KCNT2: variants seen among roughly 807,000 people sequenced by gnomAD.
The protein encoded by KCNT2 is potassium channel subfamily T member 2.
A neutral mutation model predicts 153.8 loss-of-function variants in KCNT2; 67 were observed. The observed-to-expected ratio is 0.44, with a 90% CI of 0.36 to 0.53. The LOEUF (loss-of-function observed/expected upper bound fraction) is 0.53. Among genes scored for constraint, KCNT2 ranks in the 20% least tolerant of loss-of-function variants. KCNT2 has a pLI of 0.00. For missense variants in KCNT2, 975 were observed against 1,354.8 expected (o/e 0.72, Z 4.40); for synonymous variants, 500 against 458.8 (o/e 1.09, Z -1.15).
At chr1:196,301,486 T>C (rs189193043) in intron 22 of KCNT2, among the ~76,000 whole-genome samples, 1 of 152,294 alleles carries the variant, frequency 6.6e-6, no homozygotes, top group Admixed American at 6.5e-5. Context: ...AGTAGCTACT[T>C]TCAGAAAATC....
intron 1 of KCNT2, among the ~76,000 whole-genome samples, chr1:196,539,296 G>C (rs1158989526): frequency 2.0e-5 from 3 of 152,124 alleles, no homozygotes; most frequent in Non-Finnish European, 4.4e-5. Flanking sequence ...TACTTCATGT[G>C]TGTTCGCATT....
intron 8 of KCNT2, among the ~76,000 whole-genome samples, chr1:196,449,815 A>C (rs1257000331): frequency 6.6e-6 from 1 of 151,746 alleles, no homozygotes; most frequent in Non-Finnish European, 1.5e-5. Flanking sequence ...CTAATAAAGA[A>C]AAAAGAATAA....
intron 1 of KCNT2, among the ~76,000 whole-genome samples, chr1:196,556,780 A>T (rs1205233681): frequency 6.6e-6 from 1 of 151,512 alleles, no homozygotes; most frequent in Non-Finnish European, 1.5e-5. Flanking sequence ...CTTACACACA[A>T]CAGAGTACTA....
At chr1:196,471,128 C>T (rs569150589) in intron 5 of KCNT2, among the ~76,000 whole-genome samples, 78 of 151,788 alleles carry the variant, frequency 5.1e-4, no homozygotes, top group African/African-American at 1.8e-3. Flanking sequence ...AGGATGGTCC[C>T]GATCTCCTAA....
chr1:196,227,531 G>C lies in KCNT2; in HGVS notation c.*693C>G, dbSNP rs957766746. 6.6e-6 allele frequency: 1 copy of C among 152,072 alleles called. No individual in the cohort carries two copies. The highest frequency in any genetic ancestry group is 1.5e-5 in the Non-Finnish European group (1 of 67,920). 9.4% of individuals were successfully genotyped at this position (152,072 alleles called of 1,614,324 possible). ...ATGCTTTTCTTGGCATAAAATATTT[G>C]CTAGACATAAAGTTACCAAAAAGTG... On this transcript the variant is annotated 3_prime_UTR_variant, in exon 28 of 28. Transcript: ENST00000294725.
intron 22 of KCNT2, among the ~76,000 whole-genome samples, chr1:196,299,229 C>G (rs1291277959): frequency 6.6e-6 from 1 of 151,884 alleles, no homozygotes; most frequent in Non-Finnish European, 1.5e-5. Flanking sequence ...CTATTTAGCT[C>G]TTCTACTGTT....
chr1:196,310,663 T>C lies in KCNT2; in HGVS notation c.2483+5229A>G, dbSNP rs375871872. On this transcript the variant is annotated intron_variant, in intron 21 of 27. Transcript: ENST00000294725. ...GTGCCAATCTAAGACAATATTCTTT[T>C]CTTTAAAAAAACAGAAACAAATAAA... Among the ~76,000 whole-genome samples, 10 of 151,916 alleles carry C rather than the reference T, an allele frequency of 6.6e-5. 1 individual carries two copies. The highest frequency in any genetic ancestry group is 4.6e-4 in the Admixed American group (7 of 15,206).
intron 8 of KCNT2, among the ~76,000 whole-genome samples, chr1:196,462,769 A>G (rs1292391174): frequency 2.0e-5 from 3 of 151,792 alleles, no homozygotes; most frequent in African/African-American, 7.2e-5. Context: ...GGATAACCCT[A>G]GGTTTTAAAC....
At chr1:196,561,270 C>A (rs76539086) in intron 1 of KCNT2, among the ~76,000 whole-genome samples, 2,418 of 150,702 alleles carry the variant, frequency 0.016, 24 homozygotes, top group Non-Finnish European at 0.026. Flanking sequence ...AAAAAATGGT[C>A]AAAGTTTTAG....
chr1:196,449,420 A>G (rs779034034), intron 8 of KCNT2, among the ~76,000 whole-genome samples: 2 of 151,754 alleles, frequency 1.3e-5, no homozygotes, highest in South Asian at 2.1e-4. Flanking sequence ...TAAGTGTCCC[A>G]ATGAACCTGG....
At position 196,263,237 on chromosome 1, in the gene KCNT2, C is replaced by CG. The variant is rs533865746; in HGVS notation, c.2911-4744_2911-4743insC. On this transcript the variant is annotated intron_variant, in intron 25 of 27. Transcript: ENST00000294725. Reference sequence around the variant, plus strand: ...GTGTGCAGAACGTGCAGGTTTGTTACATAGGTATACATATGCCATGATGGT... The same window carrying CG: ...GTGTGCAGAACGTGCAGGTTTGTTACGATAGGTATACATATGCCATGATGGT... 2.2e-3 allele frequency among the ~76,000 whole-genome samples: 337 copies of CG among 150,952 alleles called. 3 individuals carry two copies. Among genetic ancestry groups the CG allele is most frequent in the African/African-American group, 8.0e-3 (329 of 41,068 alleles).
In KCNT2 at chr1:196,607,526, C is replaced by T. The variant is rs558772796; in HGVS notation, c.95+689G>A. On this transcript the variant is annotated intron_variant, in intron 1 of 27. Coordinates refer to ENST00000294725, the MANE Select transcript of KCNT2 (RefSeq NM_198503.5). ...TAATTTTGAGACATATATTCTGTTT[C>T]AGTTAAAAAAATATACTAGTTATGA... Among the ~76,000 whole-genome samples, 53 of 151,140 alleles carry T rather than the reference C, an allele frequency of 3.5e-4. No homozygotes were observed. The South Asian group carries it at 0.011, about 31-fold the overall frequency.
chr1:196,504,050 C>T (rs1255390810), intron 1 of KCNT2, among the ~76,000 whole-genome samples: 1 of 152,102 alleles, frequency 6.6e-6, no homozygotes, highest in African/African-American at 2.4e-5. Flanking sequence ...AATATAATTT[C>T]ACTTAATACA....
chr1:196,500,205 GGAGAGAGAGA>G (rs1209616983), intron 1 of KCNT2, among the ~76,000 whole-genome samples: 1 of 129,602 alleles, frequency 7.7e-6, no homozygotes, highest in Non-Finnish European at 1.6e-5. Context: ...GGAAGGAGGG[GGAGAGAGAGA>G]GAGAGAGACG....
intron 14 of KCNT2, among the ~76,000 whole-genome samples, chr1:196,362,555 G>A (rs138908698): frequency 0.01 from 1,536 of 152,032 alleles, 16 homozygotes; most frequent in Non-Finnish European, 0.018. Context: ...AGAGAAAAAA[G>A]CATTGCTTTA....
intron 1 of KCNT2, among the ~76,000 whole-genome samples, chr1:196,506,728 G>C (rs993377820): frequency 6.6e-6 from 1 of 152,216 alleles, no homozygotes; most frequent in East Asian, 1.9e-4. Context: ...TACTGTTAAA[G>C]CTTACTCACT....
intron 13 of KCNT2, among the ~76,000 whole-genome samples, chr1:196,387,386 C>T (rs1199139375): frequency 1.3e-5 from 2 of 151,904 alleles, no homozygotes; most frequent in Non-Finnish European, 2.9e-5. Flanking sequence ...ATATAACTAA[C>T]CCATTCCTGT....
chr1:196,350,363 C>A (rs1050961908), intron 14 of KCNT2, among the ~76,000 whole-genome samples: 1 of 152,146 alleles, frequency 6.6e-6, no homozygotes, highest in Non-Finnish European at 1.5e-5. Flanking sequence ...TCCTCTCCAG[C>A]ACCTGTTGTT....
chr1:196,387,086 T>C (rs1670058612), intron 13 of KCNT2, among the ~76,000 whole-genome samples: 1 of 152,024 alleles, frequency 6.6e-6, no homozygotes, highest in African/African-American at 2.4e-5. Context: ...TATGCTTGAT[T>C]ATTTGGATCT....
Sources: allele counts gnomAD v4.1 joint callset (sites outside exome capture counted in the v4.1 genomes callset), GRCh38; gene constraint gnomAD v4.1.1; transcripts MANE v1.5; gene names NCBI Gene and HGNC (gene_info 2026-07-23, HGNC 2026-07-21).